ZNF554: variants seen among roughly 807,000 people sequenced by gnomAD.
ZNF554 encodes the protein zinc finger protein 554.
A neutral mutation model predicts 21.2 loss-of-function variants in ZNF554; 15 were observed. That is an observed-to-expected ratio of 0.71 (90% CI 0.47 to 1.09). ZNF554 has a LOEUF of 1.09. ZNF554 is among the 50% of genes least tolerant of loss of function. ZNF554 has a pLI of 0.00. For synonymous variants in ZNF554, 258 were observed against 251.4 expected (o/e 1.03, Z -0.25); for missense variants, 691 against 662.7 (o/e 1.04, Z -0.47).
Position 2,832,466 on chromosome 19 carries a change from A to G in ZNF554, c.417A>G (p.Glu139=). ...LEQREALWIE[E]KGTPQASCSD... ...AAAGAGAAGCCCTGTGGATAGAGGA[A>G]AAAGGAACTCCTCAAGCCTCCTGTT... The change falls in exon 4 of 5, where the codon GAA becomes GAG. Residue 139 remains glutamate (E), a synonymous_variant. Transcript: ENST00000317243. The G allele has an allele frequency of 6.2e-7, 1 of 1,610,292 alleles. No individual in the cohort carries two copies. The highest frequency in any genetic ancestry group is 8.5e-7 in the Non-Finnish European group (1 of 1,178,776).
intron 2 of ZNF554, 40 bp from the exon 3 acceptor site, chr19:2,827,572 GGTGGC>G (rs2087352013): frequency 1.3e-6 from 2 of 1,582,584 alleles, no homozygotes; most frequent in Non-Finnish European, 1.7e-6. Flanking sequence ...CATGAACGTG[GGTGGC>G]GATGGACCCA....
At chr19:2,828,929 C>A (rs573681987) in intron 3 of ZNF554, among the ~76,000 whole-genome samples, 1 of 152,030 alleles carries the variant, frequency 6.6e-6, no homozygotes, top group East Asian at 1.9e-4. Flanking sequence ...TCCCTTGACA[C>A]GTGGGGATTA....
rs1408427882 is a variant in ZNF554, at chr19:2,834,822, C to T, written c.1587C>T (p.Phe529=). The T allele has an allele frequency of 1.2e-6, 2 of 1,600,364 alleles. No individual in the cohort carries two copies. Among genetic ancestry groups the T allele is most frequent in the Non-Finnish European group, 1.7e-6 (2 of 1,171,024 alleles). Residue 529 remains phenylalanine (F), a synonymous_variant, in exon 5 of 5, where the codon TTC becomes TTT. Transcript: ENST00000317243. ...AAATCATTGACTGTGGGAAAGCGTT[C>T]TACCAGAACAGACATCTTATTGGAT... ...TYKIIDCGKA[F]YQNRHLIGY
At chr19:2,822,165 C>T (rs1049997760) in intron 1 of ZNF554, among the ~76,000 whole-genome samples, 13 of 152,154 alleles carry the variant, frequency 8.5e-5, no homozygotes, top group Non-Finnish European at 1.8e-4. Context: ...ATTATCGTGC[C>T]TCAGCCTCCT....
chr19:2,832,247 A>C, intron 3 of ZNF554, 56 bp from the exon 4 acceptor site: 1 of 1,493,004 alleles, frequency 6.7e-7, no homozygotes, highest in Non-Finnish European at 9.0e-7. Flanking sequence ...TTTTTTAACT[A>C]GAAAATAAAA....
Position 2,819,870 on chromosome 19 carries a change from T to C in ZNF554, c.-202T>C. The C allele has an allele frequency of 3.1e-6, 1 of 319,590 alleles. No homozygotes were observed. Among genetic ancestry groups the C allele is most frequent in the African/African-American group, 2.2e-5 (1 of 45,718 alleles). The allele number at this position is 319,590 out of a possible 1,614,324, so 19.8% of individuals were successfully genotyped here. A position where few individuals can be genotyped will look rare whatever the true frequency, so the allele number is the denominator to read the frequency against. The stretch of plus-strand genomic sequence containing the variant: ...GCAGGTTCGGGGTGCGCAGGCGCAG[T>C]GCCGAGTTTACCTCTGCGCGCGTCG... On this transcript the variant is annotated 5_prime_UTR_variant, in exon 1 of 5. Coordinates refer to ENST00000317243, the MANE Select transcript of ZNF554 (RefSeq NM_001102651.2).
At position 2,819,882 on chromosome 19, in the gene ZNF554, C is replaced by G. The variant is rs912396155; in HGVS notation, c.-190C>G. 2 of 331,924 alleles carry G rather than the reference C, an allele frequency of 6.0e-6. No individual in the cohort carries two copies. Among genetic ancestry groups the G allele is most frequent in the Admixed American group, 5.0e-5 (1 of 19,946 alleles). The allele number at this position is 331,924 out of a possible 1,614,324, so 20.6% of individuals were successfully genotyped here. A position where few individuals can be genotyped will look rare whatever the true frequency, so the allele number is the denominator to read the frequency against. ...TGCGCAGGCGCAGTGCCGAGTTTAC[C>G]TCTGCGCGCGTCGGGGTTGGTGGCG... On this transcript the variant is annotated 5_prime_UTR_variant, in exon 1 of 5. Transcript: ENST00000317243.
rs1466133798 is a variant in ZNF554, at chr19:2,820,210, C to T, written c.53+86C>T. 5 of 1,161,664 alleles carry T rather than the reference C, an allele frequency of 4.3e-6. No homozygotes were observed. In the African/African-American group the frequency reaches 8.0e-5, roughly 19 times the overall value. The allele number at this position is 1,161,664 out of a possible 1,614,324, so 72.0% of individuals were successfully genotyped here. On this transcript the variant is annotated intron_variant, in intron 1 of 4. Transcript: ENST00000317243. The stretch of plus-strand genomic sequence containing the variant: ...GGCTGGGTCTGGCGGGGCCGGGTGG[C>T]CGGGGCATGACCCTGTCGCGATAGG...
chr19:2,820,693 T>TG (rs2087251327), intron 1 of ZNF554, among the ~76,000 whole-genome samples: 1 of 146,658 alleles, frequency 6.8e-6, no homozygotes, highest in Non-Finnish European at 1.5e-5. Context: ...CCTTTTTTTT[T>TG]TTTTTTTGAG....
At chr19:2,827,945 G>A (rs539648017) in intron 3 of ZNF554, among the ~76,000 whole-genome samples, 7 of 152,280 alleles carry the variant, frequency 4.6e-5, no homozygotes, top group Admixed American at 2.0e-4. Context: ...CACATCTTAC[G>A]TGGCGGTAGG....
At chr19:2,833,590 C>A in intron 4 of ZNF554, 91 bp from the exon 5 acceptor site, 1 of 1,105,822 alleles carries the variant, frequency 9.0e-7, no homozygotes, top group Non-Finnish European at 1.3e-6. Context: ...CCGCACAGGC[C>A]TTGTAGATGT....
At chr19:2,832,207 T>C (rs903270797) in intron 3 of ZNF554, 96 bp from the exon 4 acceptor site, 6 of 1,274,512 alleles carry the variant, frequency 4.7e-6, no homozygotes, top group Non-Finnish European at 6.4e-6. Context: ...ATTACAGGAG[T>C]GAGCCACCAT....
chr19:2,823,200 C>T lies in ZNF554; in HGVS notation c.126+88C>T, dbSNP rs181335896. On this transcript the variant is annotated intron_variant, in intron 2 of 4. Coordinates refer to ENST00000317243, the MANE Select transcript of ZNF554 (RefSeq NM_001102651.2). ...AACTCAGTCCTCGATAGAGGAGACC[C>T]CTTGCTATGTGAAAGTTCAGGAGAA... is the stretch of plus-strand genomic sequence containing the variant. 1.4e-4 allele frequency: 177 copies of T among 1,308,352 alleles called. 1 individual carries two copies. In the East Asian group the frequency reaches 3.4e-3, roughly 25 times the overall value. 81.0% of individuals were successfully genotyped at this position (1,308,352 alleles called of 1,614,324 possible). A position where few individuals can be genotyped will look rare whatever the true frequency, so the allele number is the denominator to read the frequency against.
chr19:2,826,251 C>G (rs2087331752), intron 2 of ZNF554: 1 of 114,962 alleles, frequency 8.7e-6, no homozygotes, highest in East Asian at 2.8e-4. Context: ...GTCACCCAGG[C>G]TGGATTGCCG....
intron 2 of ZNF554, among the ~76,000 whole-genome samples, chr19:2,824,691 T>G (rs2087306742): frequency 6.6e-6 from 1 of 152,250 alleles, no homozygotes; most frequent in African/African-American, 2.4e-5. Context: ...CTTTACCATC[T>G]TAGCCGTTGA....
Position 2,832,329 on chromosome 19 carries a change from G to A in ZNF554, c.280G>A (p.Val94Met), listed in dbSNP as rs2087432209. The change falls in exon 4 of 5, where the codon GTG becomes ATG. Residue 94 changes from valine (V) to methionine (M), a missense_variant. Coordinates refer to ENST00000317243, the MANE Select transcript of ZNF554 (RefSeq NM_001102651.2). ...AGCCTTGAAGAACCAATGTACTGAT[G>A]TGGGGATTAAAGAGGGTCCACTTTC... The part of the protein sequence containing the change: ...LEALKNQCTD[V>M]GIKEGPLSPA... The A allele has an allele frequency of 1.2e-6, 2 of 1,610,108 alleles. No homozygotes were observed. Among genetic ancestry groups the A allele is most frequent in the South Asian group, 1.1e-5 (1 of 90,430 alleles).
intron 3 of ZNF554, chr19:2,831,502 G>A (rs2087418068): frequency 6.6e-6 from 1 of 151,420 alleles, no homozygotes; most frequent in African/African-American, 2.4e-5. Flanking sequence ...CACCGTGTTA[G>A]CCAGGATGGT....
At position 2,834,149 on chromosome 19, in the gene ZNF554, T is replaced by G; in HGVS notation, c.914T>G (p.Leu305Trp). Residue 305 changes from leucine (L) to tryptophan (W), a missense_variant, in exon 5 of 5, where the codon TTG (leucine) becomes TGG (tryptophan). Physicochemically the swap from Leu to Trp is moderately conservative, Grantham distance 61. Transcript: ENST00000317243. ...GTGTATTTGGAAAATGGGCAGTCAT[T>G]GAACCACGGTATGGCCCTGACTATC... is the stretch of plus-strand genomic sequence containing the variant. ...MFVYLENGQS[L>W]NHGMALTIHN... 6.2e-7 allele frequency: 1 copy of G among 1,614,028 alleles called. No homozygotes were observed. Among genetic ancestry groups the G allele is most frequent in the Non-Finnish European group, 8.5e-7 (1 of 1,180,042 alleles).
rs1182601821 is a variant in ZNF554, at chr19:2,834,236, AC to A, written c.1003del (p.Arg335GlyfsTer5). On this transcript the variant is annotated frameshift_variant, in exon 5 of 5. Transcript: ENST00000317243. LOFTEE classifies it low-confidence loss of function (END_TRUNC). ...TGCCACCAGTGTGGGAAGGTGTTCA[AC>A]CGGAGGCATTCTTTGAGCGAACATC... ...FECHQCGKVFNRRHSLSEHQR... is the reference protein window; with the variant it reads ...FECHQCGKVFXRRHSLSEHQR... 1 of 1,613,964 alleles carries A rather than the reference AC, an allele frequency of 6.2e-7. No individual in the cohort carries two copies. The highest frequency in any genetic ancestry group is 8.5e-7 in the Non-Finnish European group (1 of 1,180,054).
Sources: gnomAD v4.1 joint callset for allele counts (sites outside exome capture counted in the v4.1 genomes callset) on GRCh38, gnomAD v4.1.1 for gene constraint, MANE v1.5 for transcripts, NCBI Gene and HGNC (gene_info 2026-07-23, HGNC 2026-07-21) for gene names.